The following PCNX1 variants were observed in gnomAD, a reference collection of about 807,000 sequenced individuals.
The protein encoded by PCNX1 is pecanex-like protein 1.
PCNX1 carries 78 observed loss-of-function variants against 242.2 expected under a neutral mutation model. That is an observed-to-expected ratio of 0.32 (90% CI 0.27 to 0.39). The LOEUF is 0.39. PCNX1 is among the 10% of genes least tolerant of loss of function. The pLI, the probability that PCNX1 is intolerant of heterozygous loss-of-function variation, is 1.00. For missense variants in PCNX1, 2,581 were observed against 2,856.5 expected (o/e 0.90, Z 2.20); for synonymous variants, 1,024 against 1,032.9 (o/e 0.99, Z 0.17).
chr14:71,050,958 T>G (rs888361793), intron 23 of PCNX1, among the ~76,000 whole-genome samples, 198 bp downstream of exon 23: 1 of 151,858 alleles, frequency 6.6e-6, no homozygotes, highest in East Asian at 1.9e-4. Context: ...CACCTGAGAT[T>G]GGGAGTTTGA....
At chr14:70,911,704 G>A (rs2055918774) in intron 1 of PCNX1, among the ~76,000 whole-genome samples, 1 of 152,088 alleles carries the variant, frequency 6.6e-6, no homozygotes, top group Admixed American at 6.5e-5. Context: ...TTACTCATTT[G>A]TGAGATATTT....
chr14:70,986,744 A>T (rs1397846601), intron 6 of PCNX1, among the ~76,000 whole-genome samples: 1 of 152,182 alleles, frequency 6.6e-6, no homozygotes, highest in African/African-American at 2.4e-5. Context: ...ATTTTGGCTG[A>T]AACAGTATCT....
chr14:70,959,182 G>T (rs957695726), intron 2 of PCNX1, among the ~76,000 whole-genome samples: 1 of 150,504 alleles, frequency 6.6e-6, no homozygotes, highest in Non-Finnish European at 1.5e-5. Flanking sequence ...GTGAAATTTG[G>T]TGTGTGGTTT....
chr14:71,044,070 G>T (rs538984308), intron 19 of PCNX1, among the ~76,000 whole-genome samples: 2 of 152,142 alleles, frequency 1.3e-5, no homozygotes, highest in Admixed American at 6.6e-5. Flanking sequence ...TGTACTCTCC[G>T]TATGATTTCT....
chr14:70,945,146 G>A (rs1852788270), intron 1 of PCNX1, among the ~76,000 whole-genome samples: 1 of 152,152 alleles, frequency 6.6e-6, no homozygotes, highest in African/African-American at 2.4e-5. Context: ...CCCGGCTCCT[G>A]AGGCTATCCA....
intron 1 of PCNX1, among the ~76,000 whole-genome samples, chr14:70,933,598 C>T (rs988831903): frequency 6.6e-6 from 1 of 152,146 alleles, no homozygotes; most frequent in Admixed American, 6.6e-5. Context: ...AACAGATCAT[C>T]TACAAACTGA....
chr14:71,067,214 A>G (rs997132882), intron 26 of PCNX1, among the ~76,000 whole-genome samples: 1 of 152,166 alleles, frequency 6.6e-6, no homozygotes, highest in Admixed American at 6.5e-5. Flanking sequence ...TACCTCTGGT[A>G]GAATTCGGCT....
intron 8 of PCNX1, 66 bp downstream of exon 8, chr14:70,995,991 T>G (rs1231456342): frequency 1.6e-5 from 19 of 1,188,934 alleles, no homozygotes; most frequent in African/African-American, 4.5e-5. Context: ...GGGTAACAAT[T>G]GCAGTTCTTT....
At chr14:70,989,237 CATACATA>C (rs2059086945) in intron 7 of PCNX1, among the ~76,000 whole-genome samples, 1 of 151,684 alleles carries the variant, frequency 6.6e-6, no homozygotes, top group African/African-American at 2.4e-5. Flanking sequence ...ACAGAACTAA[CATACATA>C]ATTTATGTAA....
At chr14:70,932,568 T>C (rs1322009427) in intron 1 of PCNX1, among the ~76,000 whole-genome samples, 3 of 151,836 alleles carry the variant, frequency 2.0e-5, no homozygotes, top group Non-Finnish European at 4.4e-5. Context: ...GACATGTCTA[T>C]TGAAGTTTTT....
At chr14:71,059,114 A>T (rs1373416568) in intron 26 of PCNX1, among the ~76,000 whole-genome samples, 4 of 152,158 alleles carry the variant, frequency 2.6e-5, no homozygotes, top group African/African-American at 9.7e-5. Flanking sequence ...TAACATTTCT[A>T]CATATGTGAA....
Position 70,980,166 on chromosome 14 carries a change from A to G in PCNX1, c.2311+1518A>G, listed in dbSNP as rs189662355. 3.3e-5 allele frequency among the ~76,000 whole-genome samples: 5 copies of G among 152,244 alleles called. No individual in the cohort carries two copies. The East Asian group carries it at 9.6e-4, about 29-fold the overall frequency. On this transcript the variant is annotated intron_variant, in intron 6 of 35. Coordinates refer to ENST00000304743, the MANE Select transcript of PCNX1 (RefSeq NM_014982.3). ...AATATTGTGGAAATGTAAATACTGA[A>G]AAAATGTGTACAAAAATATGTAGTA...
At chr14:71,109,286 A>G (rs1953619183) in intron 34 of PCNX1, among the ~76,000 whole-genome samples, 166 bp from the exon 35 acceptor site, 4 of 152,200 alleles carry the variant, frequency 2.6e-5, no homozygotes, top group Admixed American at 2.6e-4. Context: ...GAGGTCTACC[A>G]GAGGGCTGAA....
chr14:70,924,572 TA>T (rs1200432344), intron 1 of PCNX1, among the ~76,000 whole-genome samples: 1 of 152,198 alleles, frequency 6.6e-6, no homozygotes, highest in Non-Finnish European at 1.5e-5. Context: ...TCACCTTATA[TA>T]ACTAGTTTAT....
chr14:70,969,256 G>A lies in PCNX1; in HGVS notation c.604+146G>A, dbSNP rs544832475. ...ATTAACATAAAATGTTATGGTGATA[G>A]TAGTAATACAGAGTTACACATGCTT... On this transcript the variant is annotated intron_variant, in intron 5 of 35. Transcript: ENST00000304743. 9.9e-5 allele frequency: 60 copies of A among 608,518 alleles called. No homozygotes were observed. The African/African-American group carries it at 1.0e-3, about 11-fold the overall frequency. 37.7% of individuals were successfully genotyped at this position (608,518 alleles called of 1,614,324 possible).
chr14:71,107,640 G>A lies in PCNX1; in HGVS notation c.6302-964G>A, dbSNP rs146176827. Among the ~76,000 whole-genome samples the A allele has an allele frequency of 8.6e-3, 1,306 of 152,228 alleles. 8 individuals carry two copies. Among genetic ancestry groups the A allele is most frequent in the South Asian group, 0.017 (82 of 4,822 alleles). ...CTTGAAAAAGGATGCAGAAGAACCT[G>A]CTTTTCAGTGCCACTGATCATTCCG... On this transcript the variant is annotated intron_variant, in intron 33 of 35. Transcript: ENST00000304743.
chr14:70,949,303 A>G (rs1290034003), intron 2 of PCNX1, among the ~76,000 whole-genome samples: 1 of 141,186 alleles, frequency 7.1e-6, no homozygotes, highest in African/African-American at 2.7e-5. Context: ...GTGTACACAC[A>G]TATGTGTGTA....
At chr14:71,084,475 G>T (rs369985631) in intron 28 of PCNX1, among the ~76,000 whole-genome samples, 1 of 152,214 alleles carries the variant, frequency 6.6e-6, no homozygotes, top group African/African-American at 2.4e-5. Context: ...CAGGTGCTCT[G>T]TCCCAGGGAG....
intron 8 of PCNX1, among the ~76,000 whole-genome samples, chr14:71,001,793 G>A (rs1304419005): frequency 3.3e-5 from 5 of 152,196 alleles, no homozygotes; most frequent in Admixed American, 3.3e-4. Context: ...TTTCTCTCAT[G>A]AGAACCATTG....
Sources: gnomAD v4.1 joint callset for allele counts (sites outside exome capture counted in the v4.1 genomes callset) on GRCh38, gnomAD v4.1.1 for gene constraint, MANE v1.5 for transcripts, NCBI Gene and HGNC (gene_info 2026-07-23, HGNC 2026-07-21) for gene names.